Variants in ZNF469 observed in about 807,000 individuals in gnomAD.
The protein encoded by ZNF469 is zinc finger protein 469.
In ZNF469, 1 loss-of-function variant was observed where a neutral mutation model predicts 1.0. The ratio of observed to expected loss-of-function variants is 1.00; its 90% CI spans 0.35 to 4.73. The LOEUF (loss-of-function observed/expected upper bound fraction) is 4.73. Ranked by LOEUF, ZNF469 falls within the 30% of genes most tolerant of loss-of-function variation. The pLI is 0.16. For missense variants in ZNF469, 6,100 were observed against 5,356.3 expected, an observed-to-expected ratio of 1.14 and a Z score of -4.33; for synonymous variants, 2,703 against 2,363.4, an observed-to-expected ratio of 1.14 and a Z score of -4.17.
chr16:88,348,920 G>A, the ZNF469 span, among the ~76,000 whole-genome samples: 21 of 152,234 alleles, frequency 1.4e-4, no homozygotes, highest in South Asian at 1.9e-3. Flanking sequence ...GCACACAGCC[G>A]CTCTCCCGGG....
At chr16:88,355,154 G>A in the ZNF469 span, among the ~76,000 whole-genome samples, 7 of 152,254 alleles carry the variant, frequency 4.6e-5, no homozygotes, top group South Asian at 8.3e-4. Flanking sequence ...ACTCAGCTCC[G>A]CCAGCCTCGG....
chr16:88,190,507 G>A, the ZNF469 span, among the ~76,000 whole-genome samples: 1 of 152,248 alleles, frequency 6.6e-6, no homozygotes, highest in African/African-American at 2.4e-5. Flanking sequence ...AGGGAGAAGA[G>A]CATGCACTGG....
chr16:88,246,743 G>GAGTGAGTGAGTGAATGAGTGAGTGAATC, the ZNF469 span, among the ~76,000 whole-genome samples: 1 of 152,232 alleles, frequency 6.6e-6, no homozygotes, highest in South Asian at 2.1e-4. Flanking sequence ...AGGTGACTGT[G>GAGTGAGTGAGTGAATGAGTGAGTGAATC]AGTGAGTGAG....
chr16:88,389,410 G>A (rs192480081), intron 1 of ZNF469, among the ~76,000 whole-genome samples: 62 of 152,358 alleles, frequency 4.1e-4, no homozygotes, highest in African/African-American at 1.3e-3. Flanking sequence ...CCCCTCCTCC[G>A]TTGGACGCCT....
the ZNF469 span, among the ~76,000 whole-genome samples, chr16:88,367,563 C>T: frequency 1.3e-5 from 2 of 152,176 alleles, no homozygotes; most frequent in Admixed American, 1.3e-4. Flanking sequence ...CACGTCCCAG[C>T]GCCTGTGATG....
At chr16:88,382,601 C>T (rs1303583640), upstream of ZNF469, among the ~76,000 whole-genome samples, 1 of 152,246 alleles carries the variant, frequency 6.6e-6, no homozygotes, top group African/African-American at 2.4e-5. Flanking sequence ...ACATCCCCCA[C>T]CTCCTAGACA....
At chr16:88,157,026 C>T in the ZNF469 span, among the ~76,000 whole-genome samples, 14 of 152,358 alleles carry the variant, frequency 9.2e-5, no homozygotes, top group East Asian at 2.5e-3. Context: ...AGATGGGCCT[C>T]GGTGCCGGGG....
the ZNF469 span, among the ~76,000 whole-genome samples, chr16:88,187,755 A>C: frequency 1.4e-4 from 21 of 148,516 alleles, no homozygotes. Context: ...AATCAAAACC[A>C]GACAGAATGC....
At chr16:88,258,546 G>A in the ZNF469 span, among the ~76,000 whole-genome samples, 3 of 152,120 alleles carry the variant, frequency 2.0e-5, no homozygotes, top group Non-Finnish European at 4.4e-5. Flanking sequence ...TGGGCTAGAA[G>A]TTTAAGGCAG....
the ZNF469 span, among the ~76,000 whole-genome samples, chr16:88,162,639 A>G: frequency 6.6e-6 from 1 of 151,990 alleles, no homozygotes; most frequent in African/African-American, 2.4e-5. Context: ...GGCATTTCAA[A>G]AAAGCATTTA....
At position 88,436,368 on chromosome 16, in the gene ZNF469, C is replaced by A; in HGVS notation, c.8898C>A (p.Ser2966Arg). 6.5e-7 allele frequency: 1 copy of A among 1,550,120 alleles called. No individual in the cohort carries two copies. Residue 2966 changes from serine to arginine, a missense_variant, in exon 3 of 3, where the codon AGC becomes AGA. Coordinates refer to ENST00000565624, the MANE Select transcript of ZNF469 (RefSeq NM_001367624.2). ...PGLSLWALEP[S>R]REAGAEKLPS... ...TCAGCCTGTGGGCCCTGGAGCCCAG[C>A]AGGGAAGCTGGTGCAGAGAAGCTGC...
At chr16:88,112,176 C>T in the ZNF469 span, among the ~76,000 whole-genome samples, 21,996 of 150,878 alleles carry the variant, frequency 0.15, 1,992 homozygotes, top group East Asian at 0.34. Context: ...CGTTGGCTAA[C>T]GCCTGAATCC....
At chr16:88,414,693 C>G (rs1298873575) in intron 1 of ZNF469, among the ~76,000 whole-genome samples, 1 of 152,250 alleles carries the variant, frequency 6.6e-6, no homozygotes, top group African/African-American at 2.4e-5. Context: ...CAGGCCGAAC[C>G]CAGAAGGACG....
chr16:88,373,760 G>T, the ZNF469 span, among the ~76,000 whole-genome samples: 1 of 152,190 alleles, frequency 6.6e-6, no homozygotes, highest in African/African-American at 2.4e-5. Context: ...ACTTTAGGAG[G>T]CTGAGGTGGA....
chr16:88,137,865 T>G, the ZNF469 span, among the ~76,000 whole-genome samples: 1 of 152,200 alleles, frequency 6.6e-6, no homozygotes. Context: ...CAGATTTGGC[T>G]GGGAGACCAT....
At chr16:88,297,348 G>A in the ZNF469 span, among the ~76,000 whole-genome samples, 20 of 152,316 alleles carry the variant, frequency 1.3e-4, no homozygotes, top group East Asian at 5.8e-4. Context: ...AGACGGGTGC[G>A]TGCATGACAA....
the ZNF469 span, among the ~76,000 whole-genome samples, chr16:88,182,647 C>G: frequency 2.0e-5 from 3 of 152,010 alleles, no homozygotes; most frequent in African/African-American, 7.2e-5. Flanking sequence ...GATAAAGATA[C>G]TCTTTCCAAC....
chr16:88,243,908 A>C, the ZNF469 span, among the ~76,000 whole-genome samples: 1 of 83,418 alleles, frequency 1.2e-5, no homozygotes, highest in East Asian at 3.7e-4. Context: ...GGCTGGCTGG[A>C]TGCATATATA....
At chr16:88,369,809 C>T in the ZNF469 span, among the ~76,000 whole-genome samples, 1 of 152,184 alleles carries the variant, frequency 6.6e-6, no homozygotes, top group Admixed American at 6.5e-5. Context: ...CAGAGGCCAC[C>T]CCCGCGACCC....
Sources: gnomAD v4.1 joint callset for allele counts (sites outside exome capture counted in the v4.1 genomes callset) on GRCh38, gnomAD v4.1.1 for gene constraint, MANE v1.5 for transcripts, NCBI Gene and HGNC (gene_info 2026-07-23, HGNC 2026-07-21) for gene names.